Variants in ATXN2L observed in about 807,000 individuals in gnomAD.
ATXN2L encodes ataxin-2-like protein.
In ATXN2L, 24 loss-of-function variants were observed where a neutral mutation model predicts 120.7. The ratio of observed to expected loss-of-function variants is 0.20; its 90% CI spans 0.14 to 0.28. ATXN2L has a LOEUF of 0.28. Among genes scored for constraint, ATXN2L ranks in the 10% least tolerant of loss-of-function variants. ATXN2L has a pLI of 1.00. For synonymous variants in ATXN2L, 653 were observed against 568.1 expected (o/e 1.15, Z -2.13); for missense variants, 1,312 against 1,432.3 (o/e 0.92, Z 1.36).
At position 28,823,444 on chromosome 16, in the gene ATXN2L, T is replaced by C; in HGVS notation, c.185T>C (p.Val62Ala). ...GCCGCCTCCCCCTGCCTGGGGCCTGTGGCCGCTGCCGGGAGCGGGCTCCGC... is the reference window on the plus strand; with the variant it reads ...GCCGCCTCCCCCTGCCTGGGGCCTGCGGCCGCTGCCGGGAGCGGGCTCCGC... ...PAAASPCLGP[V>A]AAAGSGLRRG... is the part of the protein sequence containing the mutation. The change falls in exon 1 of 22, where the codon GTG (valine) becomes GCG (alanine). Residue 62 changes from valine (V) to alanine (A), a missense_variant. Coordinates refer to ENST00000336783, the MANE Select transcript of ATXN2L (RefSeq NM_007245.4). The C allele has an allele frequency of 7.6e-7, 1 of 1,322,876 alleles. No homozygotes were observed. Among genetic ancestry groups the C allele is most frequent in the Non-Finnish European group, 9.6e-7 (1 of 1,042,764 alleles). The allele number at this position is 1,322,876 out of a possible 1,614,324, so 81.9% of individuals were successfully genotyped here. A position where few individuals can be genotyped will look rare whatever the true frequency, so the allele number is the denominator to read the frequency against.
Position 28,834,109 on chromosome 16 carries a change from T to C in ATXN2L, c.2070T>C (p.His690=). The C allele has an allele frequency of 1.2e-6, 2 of 1,614,182 alleles. No individual in the cohort carries two copies. Among genetic ancestry groups the C allele is most frequent in the Non-Finnish European group, 1.7e-6 (2 of 1,180,014 alleles). ...CAACTTCTCCGGGGCCCCGGACTCA[T>C]TCAACTCCCTCCATCCCGGTGCTGA... The part of the protein sequence containing the change: ...STPTSPGPRT[H]STPSIPVLTA... The change falls in exon 16 of 22, where the codon CAT becomes CAC. Residue 690 remains histidine (H), a synonymous_variant. Transcript: ENST00000336783.
Position 28,823,132 on chromosome 16 carries a change from C to T in ATXN2L, c.-128C>T, listed in dbSNP as rs2050211135. 2 of 474,440 alleles carry T rather than the reference C, an allele frequency of 4.2e-6. No individual in the cohort carries two copies. The highest frequency in any genetic ancestry group is 6.6e-6 in the Non-Finnish European group (2 of 303,880). The allele number at this position is 474,440 out of a possible 1,614,324, so 29.4% of individuals were successfully genotyped here. The stretch of plus-strand genomic sequence containing the variant: ...CTCCACCCCCGACACCGCGGGGCTC[C>T]CCCCGCCCGCCCACGGCGGGCCCCG... On this transcript the variant is annotated 5_prime_UTR_variant, in exon 1 of 22. Coordinates refer to ENST00000336783, the MANE Select transcript of ATXN2L (RefSeq NM_007245.4).
rs763256951 is a variant in ATXN2L, at chr16:28,836,367, C to T, written c.*102C>T. The stretch of plus-strand genomic sequence containing the variant: ...AAGCCACAGTCGCCGCCGCCAGGGG[C>T]TTGCTCCTGGCTCTGTCCTTTGCTT... On this transcript the variant is annotated 3_prime_UTR_variant, in exon 22 of 22. Transcript: ENST00000336783. 16 of 1,613,504 alleles carry T rather than the reference C, an allele frequency of 9.9e-6. No homozygotes were observed. Among genetic ancestry groups the T allele is most frequent in the Non-Finnish European group, 1.4e-5 (16 of 1,179,940 alleles).
At chr16:28,832,155 A>C in intron 10 of ATXN2L, 50 bp from the exon 11 acceptor site, 1 of 1,596,858 alleles carries the variant, frequency 6.3e-7, no homozygotes, top group African/African-American at 1.3e-5. Context: ...CCTTGTACTC[A>C]CTGCTGTTGA....
intron 4 of ATXN2L, 104 bp downstream of exon 4, chr16:28,825,945 G>C: frequency 8.5e-7 from 1 of 1,171,668 alleles, no homozygotes; most frequent in Non-Finnish European, 1.3e-6. Context: ...TATGCCTTTA[G>C]TTGTTTCTGT....
rs563502576 is a variant in ATXN2L, at chr16:28,832,577, G to A, written c.1588+10G>A. ...CGGATAGCTGGGAAAGGTGAGGGTG[G>A]TTTTTTTTCTGCTGAGGATTAATGC... On this transcript the variant is annotated intron_variant, in intron 12 of 21. Coordinates refer to ENST00000336783, the MANE Select transcript of ATXN2L (RefSeq NM_007245.4). The A allele has an allele frequency of 9.9e-6, 16 of 1,613,122 alleles. No homozygotes were observed. The highest frequency in any genetic ancestry group is 1.4e-5 in the Non-Finnish European group (16 of 1,179,340).
intron 6 of ATXN2L, among the ~76,000 whole-genome samples, chr16:28,827,526 A>G (rs2052590015): frequency 6.6e-6 from 1 of 152,172 alleles, no homozygotes; most frequent in Non-Finnish European, 1.5e-5. Flanking sequence ...AAAAGTATAG[A>G]TTAATGTGTA....
chr16:28,833,406 A>G, intron 14 of ATXN2L, 33 bp from the exon 15 acceptor site: 2 of 1,614,118 alleles, frequency 1.2e-6, no homozygotes, highest in Non-Finnish European at 1.7e-6. Context: ...GATGAGAGCA[A>G]GCCGTGAAGA....
chr16:28,824,234 G>C (rs923823471), intron 1 of ATXN2L: 3 of 1,102,542 alleles, frequency 2.7e-6, no homozygotes, highest in Admixed American at 5.1e-5. Flanking sequence ...TCGTGGAGGG[G>C]CTCGTCTGGT....
In ATXN2L at chr16:28,836,516, T is replaced by A. The variant is rs372795133; in HGVS notation, c.*251T>A. ...GTCAGTGCAGCAGACAGGGCCAGAC[T>A]GGGGTGTGGGGGGCTGAGCTGGGCA... On this transcript the variant is annotated 3_prime_UTR_variant, in exon 22 of 22. Coordinates refer to ENST00000336783, the MANE Select transcript of ATXN2L (RefSeq NM_007245.4). 2.5e-6 allele frequency: 4 copies of A among 1,598,302 alleles called. No individual in the cohort carries two copies. The African/African-American group carries it at 4.0e-5, about 16-fold the overall frequency.
intron 4 of ATXN2L, 33 bp from the exon 5 acceptor site, chr16:28,826,207 G>T (rs1389949703): frequency 1.2e-6 from 2 of 1,609,906 alleles, no homozygotes; most frequent in Admixed American, 1.7e-5. Flanking sequence ...TCTTGAAACT[G>T]ACCCATGGGT....
In ATXN2L at chr16:28,833,908, T is replaced by A. The variant is rs2055505604; in HGVS notation, c.2026-157T>A. On this transcript the variant is annotated intron_variant, in intron 15 of 21. Transcript: ENST00000336783. ...TGCCTCACCTGTAACTTTAGAATAC[T>A]CATCTCCTCATAGGGTTTAATGTGA... 3 of 842,792 alleles carry A rather than the reference T, an allele frequency of 3.6e-6. No individual in the cohort carries two copies. In the South Asian group the frequency reaches 5.4e-5, roughly 15 times the overall value. The allele number at this position is 842,792 out of a possible 1,614,324, so 52.2% of individuals were successfully genotyped here.
Position 28,829,886 on chromosome 16 carries a change from G to C in ATXN2L, c.862G>C (p.Glu288Gln). 6.2e-7 allele frequency: 1 copy of C among 1,614,272 alleles called. No individual in the cohort carries two copies. ...GCCCTTAGAAAAGGACAACTCAGAA[G>C]AGTTTCGTCAGCGAGAGCTGCGTGC... ...TVPLEKDNSE[E>Q]FRQRELRAAQ... is the part of the protein sequence containing the mutation. The change falls in exon 8 of 22, where the codon GAG becomes CAG. Residue 288 changes from glutamate to glutamine, a missense_variant. Coordinates refer to ENST00000336783, the MANE Select transcript of ATXN2L (RefSeq NM_007245.4).
chr16:28,834,485 C>T (rs1052809949), intron 17 of ATXN2L, 21 bp from the exon 18 acceptor site: 1 of 1,612,796 alleles, frequency 6.2e-7, no homozygotes, highest in Non-Finnish European at 8.5e-7. Context: ...CTTGAGCTCT[C>T]CTCTCCTCCT....
chr16:28,832,203 A>T lies in ATXN2L; in HGVS notation c.1322-2A>T, dbSNP rs1466507929. On this transcript the variant is annotated splice_acceptor_variant, in intron 10 of 21. Transcript: ENST00000336783. LOFTEE classifies it high-confidence loss of function. ...ATCCTACAGCTCCCCCTTTTCTTCC[A>T]GTGGGCCGGATGTATCCCCCGCGTT... is the stretch of plus-strand genomic sequence containing the variant. 1 of 1,613,818 alleles carries T rather than the reference A, an allele frequency of 6.2e-7. No individual in the cohort carries two copies. Among genetic ancestry groups the T allele is most frequent in the Non-Finnish European group, 8.5e-7 (1 of 1,179,962 alleles).
At chr16:28,831,884 C>G (rs2054597373) in intron 10 of ATXN2L, among the ~76,000 whole-genome samples, 1 of 152,128 alleles carries the variant, frequency 6.6e-6, no homozygotes, top group Non-Finnish European at 1.5e-5. Context: ...TACCCTGTCT[C>G]TAAATAAATA....
chr16:28,829,619 C>T, intron 7 of ATXN2L, 127 bp downstream of exon 7: 1 of 788,198 alleles, frequency 1.3e-6, no homozygotes, highest in Non-Finnish European at 2.1e-6. Context: ...CATCCCTACT[C>T]CTACTCTGCC....
At chr16:28,834,245 C>G (rs775124455) in intron 16 of ATXN2L, 34 bp downstream of exon 16, 19 of 1,610,372 alleles carry the variant, frequency 1.2e-5, no homozygotes, top group Non-Finnish European at 1.6e-5. Flanking sequence ...CCAGGGTTAG[C>G]GGGGTGGGAT....
intron 1 of ATXN2L, chr16:28,824,059 AG>A: frequency 7.1e-6 from 7 of 985,578 alleles, no homozygotes; most frequent in Non-Finnish European, 8.5e-6. Flanking sequence ...TCTGGCCAGT[AG>A]GAGGGGAGCG....
Sources: allele counts gnomAD v4.1 joint callset (sites outside exome capture counted in the v4.1 genomes callset), GRCh38; gene constraint gnomAD v4.1.1; transcripts MANE v1.5; gene names NCBI Gene and HGNC (gene_info 2026-07-23, HGNC 2026-07-21).